Variants in KCNQ1OT1 observed in about 807,000 individuals in gnomAD.
KCNQ1OT1 encodes KCNQ1 antisense RNA 2 (non-protein coding).
At chr11:2,689,578 G>A in exon 1 of KCNQ1OT1, 1 of 398,658 alleles carries the variant, frequency 2.5e-6, no homozygotes, top group Non-Finnish European at 4.4e-6. Flanking sequence ...AAATCTGTTA[G>A]CAGTGGTGTC....
exon 1 of KCNQ1OT1, chr11:2,637,499 T>G (rs1372145069): frequency 6.6e-6 from 1 of 152,192 alleles, no homozygotes; most frequent in Admixed American, 6.5e-5. Flanking sequence ...CGGTTTTGAG[T>G]GAGTTTCTTA....
At chr11:2,648,971 TTTTC>T (rs1213494654) in exon 1 of KCNQ1OT1, 11 of 383,726 alleles carry the variant, frequency 2.9e-5, no homozygotes, top group Middle Eastern at 6.3e-4. Context: ...TTTGTCTCTT[TTTTC>T]TTTTTCTTTT....
In KCNQ1OT1 at chr11:2,664,114, T is replaced by C; in HGVS notation, n.35881A>G. The C allele has an allele frequency of 2.5e-6, 1 of 398,590 alleles. No homozygotes were observed. The highest frequency in any genetic ancestry group is 4.4e-5 in the Admixed American group (1 of 22,724). 24.7% of individuals were successfully genotyped at this position (398,590 alleles called of 1,614,324 possible). ...AGACTCCAGTCATTACCCAACCAGG[T>C]CCCTGCCCTGTAACTTACCAAGGCC... is the stretch of plus-strand genomic sequence containing the variant. On this transcript the variant is annotated non_coding_transcript_exon_variant, in exon 1 of 1. Transcript: ENST00000597346. The surrounding 1 kb of genome is among the most constrained non-coding windows in gnomAD (Gnocchi z 5.1).
chr11:2,620,211 A>ATTTTT lies in KCNQ1OT1; in HGVS notation n.79779_79783dup, dbSNP rs1312458170. On this transcript the variant is annotated non_coding_transcript_exon_variant, in exon 1 of 1. Transcript: ENST00000597346. This position sits in a 1 kb window ranked among gnomAD's most constrained non-coding sequence, Gnocchi z 4.5. ...TAAGTTCATTCATGTATATATATAT[A>ATTTTT]TTTTTTTTTTTTATTTTTTTTTTAG... 4 of 252,758 alleles carry ATTTTT rather than the reference A, an allele frequency of 1.6e-5. No homozygotes were observed. Among genetic ancestry groups the ATTTTT allele is most frequent in the African/African-American group, 1.1e-4 (4 of 37,830 alleles). 15.7% of individuals were successfully genotyped at this position (252,758 alleles called of 1,614,324 possible).
chr11:2,673,130 A>AG lies in KCNQ1OT1; in HGVS notation n.26864dup, dbSNP rs1850216658. 1 of 398,780 alleles carries AG rather than the reference A, an allele frequency of 2.5e-6. No homozygotes were observed. The highest frequency in any genetic ancestry group is 2.1e-5 in the African/African-American group (1 of 48,642). The allele number at this position is 398,780 out of a possible 1,614,324, so 24.7% of individuals were successfully genotyped here. On this transcript the variant is annotated non_coding_transcript_exon_variant, in exon 1 of 1. Coordinates refer to ENST00000597346, the Ensembl canonical transcript of KCNQ1OT1. The surrounding 1 kb of genome is among the most constrained non-coding windows in gnomAD (Gnocchi z 4.5). The stretch of plus-strand genomic sequence containing the variant: ...AGACCCCAGCAGGCAGCATCAGGGC[A>AG]GGGGTGCTGACCATCCCTGACCCAA...
chr11:2,662,267 C>A (rs1395463281), exon 1 of KCNQ1OT1: 6 of 659,280 alleles, frequency 9.1e-6, no homozygotes, highest in African/African-American at 1.8e-5. Context: ...AGGGCACTTC[C>A]CACTGAGCCT....
rs1848980801 is a variant in KCNQ1OT1, at chr11:2,611,596, A to G, written n.88399T>C. The G allele has an allele frequency of 7.5e-6, 3 of 398,282 alleles. No homozygotes were observed. Among genetic ancestry groups the G allele is most frequent in the South Asian group, 1.3e-4 (1 of 7,836 alleles). The allele number at this position is 398,282 out of a possible 1,614,324, so 24.7% of individuals were successfully genotyped here. A position where few individuals can be genotyped will look rare whatever the true frequency, so the allele number is the denominator to read the frequency against. On this transcript the variant is annotated non_coding_transcript_exon_variant, in exon 1 of 1. Transcript: ENST00000597346. This position sits in a 1 kb window ranked among gnomAD's most constrained non-coding sequence, Gnocchi z 5.3. ...TTTTTCCATCATTTTACTTTCAACT[A>G]TGTCTTTGAATCTAGAATGTGACTC... is the stretch of plus-strand genomic sequence containing the variant.
chr11:2,694,303 T>C (rs2133895708), exon 1 of KCNQ1OT1: 1 of 398,642 alleles, frequency 2.5e-6, no homozygotes, highest in East Asian at 3.6e-5. Flanking sequence ...CAAGAGCTGT[T>C]CTAAGGAAGT....
rs962782264 is a variant in KCNQ1OT1, at chr11:2,609,127, A to G, written n.90868T>C. ...CTTGAGGTGGAGAGTTGGCTTACTG[A>G]TTTGAAGCCTTATTTTTTGATATAG... is the stretch of plus-strand genomic sequence containing the variant. On this transcript the variant is annotated non_coding_transcript_exon_variant, in exon 1 of 1. Coordinates refer to ENST00000597346, the Ensembl canonical transcript of KCNQ1OT1. 3.0e-5 allele frequency: 12 copies of G among 398,134 alleles called. No individual in the cohort carries two copies. In the Admixed American group the frequency reaches 3.1e-4, roughly 10 times the overall value. 24.7% of individuals were successfully genotyped at this position (398,134 alleles called of 1,614,324 possible).
At chr11:2,628,113 C>G in exon 1 of KCNQ1OT1, 1 of 398,530 alleles carries the variant, frequency 2.5e-6, no homozygotes, top group Non-Finnish European at 4.4e-6. Flanking sequence ...GTGCAGATAC[C>G]TCTTCAAGAT....
rs558407852 is a variant in KCNQ1OT1 at position 2,697,748 on chromosome 11, ATAT to A, written n.2244_2246del. 1,543 of 398,600 alleles carry A rather than the reference ATAT, an allele frequency of 3.9e-3. 4 individuals carry two copies. The highest frequency in any genetic ancestry group is 5.5e-3 in the Non-Finnish European group (1,247 of 226,062). 24.7% of individuals were successfully genotyped at this position (398,600 alleles called of 1,614,324 possible). A position where few individuals can be genotyped will look rare whatever the true frequency, so the allele number is the denominator to read the frequency against. ...TTGTTTAAGAATTGTTGTTTAATAC[ATAT>A]TATTGGATTCAGTTAGCTAGCATTG... is the stretch of plus-strand genomic sequence containing the variant. On this transcript the variant is annotated non_coding_transcript_exon_variant, in exon 1 of 1. Transcript: ENST00000597346.
In KCNQ1OT1 at chr11:2,611,889, T is replaced by C; in HGVS notation, n.88106A>G. On this transcript the variant is annotated non_coding_transcript_exon_variant, in exon 1 of 1. Transcript: ENST00000597346. The surrounding 1 kb of genome is among the most constrained non-coding windows in gnomAD (Gnocchi z 5.3). ...TTTCCCCCATTTTTAAAGTGTAATC[T>C]GGAGGTTACAATAAGCAGCTTAAGC... 2.5e-6 allele frequency: 1 copy of C among 398,534 alleles called. No homozygotes were observed. Among genetic ancestry groups the C allele is most frequent in the Non-Finnish European group, 4.4e-6 (1 of 226,028 alleles). 24.7% of individuals were successfully genotyped at this position (398,534 alleles called of 1,614,324 possible).
rs369696917 is a variant in KCNQ1OT1 at position 2,651,869 on chromosome 11, T to G, written n.48126A>C. ...GCCACCACATCTTTTCTTGAAGTAG[T>G]GTTCAGGCTGAGGGGGTCATAGCCG... On this transcript the variant is annotated non_coding_transcript_exon_variant, in exon 1 of 1. Coordinates refer to ENST00000597346, the Ensembl canonical transcript of KCNQ1OT1. The surrounding 1 kb of genome is among the most constrained non-coding windows in gnomAD (Gnocchi z 6.1). 8.5e-5 allele frequency: 34 copies of G among 398,654 alleles called. 1 individual carries two copies. In the South Asian group the frequency reaches 3.8e-3, roughly 45 times the overall value. The allele number at this position is 398,654 out of a possible 1,614,324, so 24.7% of individuals were successfully genotyped here.
exon 1 of KCNQ1OT1, chr11:2,634,059 C>T: frequency 2.5e-6 from 1 of 397,868 alleles, no homozygotes; most frequent in Non-Finnish European, 4.4e-6. Flanking sequence ...ATTGTTTGTC[C>T]TATTTGTGGT....
At chr11:2,699,209 G>A (rs1850729171) in exon 1 of KCNQ1OT1, 2 of 398,598 alleles carry the variant, frequency 5.0e-6, no homozygotes, top group South Asian at 2.5e-4. Flanking sequence ...ACGCGGCCAG[G>A]AACTCGGACC....
exon 1 of KCNQ1OT1, chr11:2,675,459 A>G (rs892644870): frequency 2.0e-5 from 8 of 398,582 alleles, no homozygotes; most frequent in Non-Finnish European, 3.1e-5. Context: ...TGAAAATGGA[A>G]AAAAGTTACA....
chr11:2,650,355 A>C (rs1227581095), exon 1 of KCNQ1OT1: 4 of 398,344 alleles, frequency 1.0e-5, no homozygotes, highest in Admixed American at 4.4e-5. Flanking sequence ...CCCCAAGTTG[A>C]TATCTGCATA....
chr11:2,667,281 T>C (rs1485105329), exon 1 of KCNQ1OT1: 4 of 398,396 alleles, frequency 1.0e-5, no homozygotes, highest in Non-Finnish European at 1.8e-5. Flanking sequence ...GGGCTGCTGC[T>C]ATGGGGAGAG....
Position 2,661,305 on chromosome 11 carries a change from A to C in KCNQ1OT1, n.38690T>G. ...GAGCAAATACTGATAGTGTCAACAG[A>C]GAGTGGGGAGTGATAAGGATCAGTA... On this transcript the variant is annotated non_coding_transcript_exon_variant, in exon 1 of 1. Transcript: ENST00000597346. This position sits in a 1 kb window ranked among gnomAD's most constrained non-coding sequence, Gnocchi z 5.9. 2.5e-6 allele frequency: 1 copy of C among 401,028 alleles called. No individual in the cohort carries two copies. The highest frequency in any genetic ancestry group is 3.6e-5 in the East Asian group (1 of 28,124). 24.8% of individuals were successfully genotyped at this position (401,028 alleles called of 1,614,324 possible).
Sources: gnomAD v4.1 joint callset for allele counts on GRCh38, gnomAD v4.1.1 for gene constraint, Gnocchi (gnomAD v3.1) non-coding constraint, MANE v1.5 for transcripts, NCBI Gene and HGNC (gene_info 2026-07-23, HGNC 2026-07-21) for gene names.